Variants in RANBP17 observed in about 807,000 individuals in gnomAD.
The protein encoded by RANBP17 is RAN binding protein 17.
Under a neutral mutation model 141.2 loss-of-function variants are expected in RANBP17, and 158 were observed. The observed-to-expected ratio is 1.12, with a 90% confidence interval of 0.98 to 1.28. The LOEUF (loss-of-function observed/expected upper bound fraction) is 1.28, where lower values mean the gene tolerates loss of function less well. RANBP17 is among the 50% of genes most tolerant of loss of function. The pLI is 0.00. For synonymous variants in RANBP17, 430 were observed against 450.0 expected (o/e 0.96, Z 0.56); for missense variants, 1,438 against 1,290.7 (o/e 1.11, Z -1.75).
chr5:171,034,462 A>C (rs893720568), intron 14 of RANBP17, among the ~76,000 whole-genome samples: 3 of 152,258 alleles, frequency 2.0e-5, no homozygotes, highest in Admixed American at 1.3e-4. Context: ...AGGAAAGCTT[A>C]GAATTGGCTG....
chr5:171,225,442 T>C (rs932540613), intron 22 of RANBP17, among the ~76,000 whole-genome samples: 2 of 152,258 alleles, frequency 1.3e-5, no homozygotes, highest in Non-Finnish European at 2.9e-5. Context: ...CTTTACCTTC[T>C]GTAATGTTTT....
intron 14 of RANBP17, among the ~76,000 whole-genome samples, chr5:171,159,766 A>G (rs1759188025): frequency 6.6e-6 from 1 of 151,892 alleles, no homozygotes; most frequent in African/African-American, 2.4e-5. Flanking sequence ...CTAAAAAAAT[A>G]CAAAAACTTA....
intron 25 of RANBP17, among the ~76,000 whole-genome samples, chr5:171,267,026 CTTT>C (rs35762251): frequency 2.6e-5 from 3 of 114,614 alleles, no homozygotes; most frequent in Non-Finnish European, 5.0e-5. Context: ...ATTTTCTTTT[CTTT>C]TTTTTTTTTT....
intron 14 of RANBP17, among the ~76,000 whole-genome samples, chr5:171,057,845 C>A (rs1057104471): frequency 3.0e-4 from 45 of 152,096 alleles, no homozygotes; most frequent in African/African-American, 1.0e-3. Context: ...ACAAGAACAG[C>A]ATGGGGGAAA....
At chr5:171,276,412 A>C (rs1167774001) in intron 25 of RANBP17, among the ~76,000 whole-genome samples, 2 of 152,242 alleles carry the variant, frequency 1.3e-5, no homozygotes, top group Non-Finnish European at 2.9e-5. Flanking sequence ...CTAAAAGAAA[A>C]AAAGAAGCCA....
At chr5:171,041,341 T>C (rs1782240583) in intron 14 of RANBP17, among the ~76,000 whole-genome samples, 1 of 152,104 alleles carries the variant, frequency 6.6e-6, no homozygotes, top group Non-Finnish European at 1.5e-5. Context: ...GGGCACAAAA[T>C]AACAATCTCC....
rs189900610 is a variant in RANBP17 at position 171,248,033 on chromosome 5, G to A, written c.2776+5213G>A. Among the ~76,000 whole-genome samples, 714 of 152,196 alleles carry A rather than the reference G, an allele frequency of 4.7e-3. 5 individuals are homozygous for A. Among genetic ancestry groups the A allele is most frequent in the African/African-American group, 0.016 (666 of 41,526 alleles). Reference sequence around the variant, plus strand: ...TTATGAATAGATAATCTTATACCTCGAATAGAACATCTAGAAGAGAAGACT... The same window carrying A: ...TTATGAATAGATAATCTTATACCTCAAATAGAACATCTAGAAGAGAAGACT... On this transcript the variant is annotated intron_variant, in intron 24 of 27. Transcript: ENST00000523189.
intron 12 of RANBP17, among the ~76,000 whole-genome samples, chr5:170,928,146 T>G (rs1773075432): frequency 6.6e-6 from 1 of 152,090 alleles, no homozygotes; most frequent in Non-Finnish European, 1.5e-5. Flanking sequence ...TTTTGCCACT[T>G]GTATTTCTTA....
intron 14 of RANBP17, among the ~76,000 whole-genome samples, chr5:171,159,850 G>A (rs1327355385): frequency 6.7e-6 from 1 of 149,186 alleles, no homozygotes; most frequent in Non-Finnish European, 1.5e-5. Context: ...GTGAACCCGG[G>A]AGGCAGAGCT....
chr5:170,984,696 G>A (rs1778002369), intron 14 of RANBP17, among the ~76,000 whole-genome samples: 1 of 151,666 alleles, frequency 6.6e-6, no homozygotes, highest in Non-Finnish European at 1.5e-5. Context: ...TATTTATTAG[G>A]GTATAATTTA....
At chr5:171,125,990 G>A (rs561259033) in intron 14 of RANBP17, among the ~76,000 whole-genome samples, 1 of 152,202 alleles carries the variant, frequency 6.6e-6, no homozygotes, top group South Asian at 2.1e-4. Flanking sequence ...GTTTCACCAT[G>A]TTGGCCAGGC....
At chr5:171,261,822 C>T (rs1486720734) in intron 24 of RANBP17, among the ~76,000 whole-genome samples, 1 of 152,184 alleles carries the variant, frequency 6.6e-6, no homozygotes, top group Non-Finnish European at 1.5e-5. Context: ...TTGAATCTCA[C>T]ATAGTAGCTT....
At chr5:170,976,422 T>C (rs1777385405) in intron 14 of RANBP17, among the ~76,000 whole-genome samples, 1 of 152,158 alleles carries the variant, frequency 6.6e-6, no homozygotes, top group South Asian at 2.1e-4. Flanking sequence ...CAAATTGATC[T>C]ACAGGTTTAA....
intron 14 of RANBP17, among the ~76,000 whole-genome samples, chr5:171,092,378 C>CA (rs1786361457): frequency 6.6e-6 from 1 of 152,180 alleles, no homozygotes; most frequent in Non-Finnish European, 1.5e-5. Context: ...ACTCATACAA[C>CA]AAAAATGTTC....
At chr5:171,005,158 G>A (rs1779503322) in intron 14 of RANBP17, among the ~76,000 whole-genome samples, 1 of 152,094 alleles carries the variant, frequency 6.6e-6, no homozygotes, top group African/African-American at 2.4e-5. Flanking sequence ...CGTGAAAATG[G>A]CCATACTGCC....
rs752410005 is a variant in RANBP17 at position 170,892,410 on chromosome 5, G to C, written c.280G>C (p.Ala94Pro). 1.2e-6 allele frequency: 2 copies of C among 1,607,574 alleles called. No homozygotes were observed. The highest frequency in any genetic ancestry group is 1.1e-5 in the South Asian group (1 of 90,490). Residue 94 changes from alanine to proline, a missense_variant, in exon 4 of 28, where the codon GCA becomes CCA. Coordinates refer to ENST00000523189, the MANE Select transcript of RANBP17 (RefSeq NM_022897.5). ...DIRNYILNYV[A>P]SQPKLAPFVI... ...AGGAAACTACATTCTGAATTACGTG[G>C]CATCACAGCCCAAGCTGGCTCCCTT...
chr5:171,149,172 T>C (rs1325989721), intron 14 of RANBP17, among the ~76,000 whole-genome samples: 2 of 152,196 alleles, frequency 1.3e-5, no homozygotes, highest in South Asian at 2.1e-4. Context: ...CTTTCCTCAT[T>C]TGATATCTAC....
intron 12 of RANBP17, among the ~76,000 whole-genome samples, chr5:170,945,779 T>C (rs1228940330): frequency 6.6e-6 from 1 of 152,172 alleles, no homozygotes; most frequent in Non-Finnish European, 1.5e-5. Context: ...AATTCAGCTA[T>C]ATCAACAAGT....
intron 14 of RANBP17, among the ~76,000 whole-genome samples, chr5:171,070,151 C>T (rs1397426706): frequency 6.6e-6 from 1 of 152,012 alleles, no homozygotes; most frequent in African/African-American, 2.4e-5. Context: ...TATTAATTAG[C>T]CCAAACTTCA....
Sources: allele counts gnomAD v4.1 joint callset (sites outside exome capture counted in the v4.1 genomes callset), GRCh38; gene constraint gnomAD v4.1.1; transcripts MANE v1.5; gene names NCBI Gene and HGNC (gene_info 2026-07-23, HGNC 2026-07-21).